The following CCDC117 variants were observed in gnomAD, a reference collection of about 807,000 sequenced individuals.
CCDC117 encodes the protein coiled-coil domain-containing protein 117.
A neutral mutation model predicts 23.5 loss-of-function variants in CCDC117; 1 was observed. That is an observed-to-expected ratio of 0.04 (90% CI 0.02 to 0.20). The LOEUF (loss-of-function observed/expected upper bound fraction) is 0.20, where lower values mean the gene tolerates loss of function less well. Among genes scored for constraint, CCDC117 ranks in the 10% least tolerant of loss-of-function variants. The pLI is 1.00. For missense variants in CCDC117, 383 were observed against 348.2 expected, an observed-to-expected ratio of 1.10 and a Z score of -0.80; for synonymous variants, 132 against 124.8, an observed-to-expected ratio of 1.06 and a Z score of -0.39.
intron 2 of CCDC117, among the ~76,000 whole-genome samples, chr22:28,778,203 C>G (rs2031225489): frequency 6.6e-6 from 1 of 152,102 alleles, no homozygotes; most frequent in Admixed American, 6.6e-5. Context: ...CAAATTTATC[C>G]TTTGTCTTTT....
At chr22:28,774,425 C>G (rs147122841) in intron 2 of CCDC117, among the ~76,000 whole-genome samples, 1 of 146,180 alleles carries the variant, frequency 6.8e-6, no homozygotes, top group Non-Finnish European at 1.5e-5. Flanking sequence ...AGCTGGAGTG[C>G]AGTTGTGTGA....
At chr22:28,785,844 C>T (rs1334540829) in intron 4 of CCDC117, among the ~76,000 whole-genome samples, 1 of 151,310 alleles carries the variant, frequency 6.6e-6, no homozygotes, top group Non-Finnish European at 1.5e-5. Context: ...GATTGCTTGA[C>T]CCCAGGAGTT....
intron 3 of CCDC117, among the ~76,000 whole-genome samples, chr22:28,783,058 T>A (rs2031399209): frequency 6.6e-6 from 1 of 152,210 alleles, no homozygotes; most frequent in African/African-American, 2.4e-5. Flanking sequence ...TTTTTTTGTT[T>A]TGAGACGGAG....
At chr22:28,773,884 TGGAA>T in intron 2 of CCDC117, 106 bp downstream of exon 2, 13 of 864,568 alleles carry the variant, frequency 1.5e-5, no homozygotes, top group Non-Finnish European at 2.3e-5. Context: ...TGAGTGTCTC[TGGAA>T]AGAGACACAG....
Position 28,773,054 on chromosome 22 carries a change from C to A in CCDC117, c.185+20C>A. ...CGGACGGTGAGGAGCCCGTCGGGCG[C>A]AGGGCGCAGGGCGGGCGGGCGGGCG... is the stretch of plus-strand genomic sequence containing the variant. On this transcript the variant is annotated intron_variant, in intron 1 of 4. Coordinates refer to ENST00000249064, the MANE Select transcript of CCDC117 (RefSeq NM_173510.4). 1 of 1,056,208 alleles carries A rather than the reference C, an allele frequency of 9.5e-7. No homozygotes were observed. The highest frequency in any genetic ancestry group is 5.4e-5 in the Admixed American group (1 of 18,644). The allele number at this position is 1,056,208 out of a possible 1,614,324, so 65.4% of individuals were successfully genotyped here. A position where few individuals can be genotyped will look rare whatever the true frequency, so the allele number is the denominator to read the frequency against.
At chr22:28,782,110 G>A (rs966569138) in intron 3 of CCDC117, among the ~76,000 whole-genome samples, 3 of 151,428 alleles carry the variant, frequency 2.0e-5, no homozygotes, top group Non-Finnish European at 2.9e-5. Flanking sequence ...GCTAATCTTC[G>A]TATCTTTTGT....
intron 2 of CCDC117, among the ~76,000 whole-genome samples, chr22:28,776,504 CCT>C (rs1335918804): frequency 6.6e-6 from 1 of 151,912 alleles, no homozygotes; most frequent in Non-Finnish European, 1.5e-5. Context: ...CTCACTGTCA[CCT>C]CTGTCTCAGG....
Position 28,781,076 on chromosome 22 carries a change from C to G in CCDC117, c.368C>G (p.Pro123Arg). ...CCCAGTGTTAGTGGCCTTTCCATAC[C>G]TGGGATATTAGATGTTATTTGTGAA... ...VNPSVSGLSI[P>R]GILDVICEEM... Residue 123 changes from proline (P) to arginine (R), a missense_variant, in exon 3 of 5, where the codon CCT (proline) becomes CGT (arginine). Physicochemically the swap from Pro to Arg is moderately radical, Grantham distance 103. Transcript: ENST00000249064. 6.2e-7 allele frequency: 1 copy of G among 1,613,818 alleles called. No individual in the cohort carries two copies. Among genetic ancestry groups the G allele is most frequent in the Non-Finnish European group, 8.5e-7 (1 of 1,179,888 alleles).
chr22:28,783,546 A>C lies in CCDC117; in HGVS notation c.503A>C (p.Asn168Thr), dbSNP rs1421736500. 1.9e-6 allele frequency: 3 copies of C among 1,613,760 alleles called. No homozygotes were observed. The highest frequency in any genetic ancestry group is 2.5e-6 in the Non-Finnish European group (3 of 1,179,896). Residue 168 changes from asparagine (N) to threonine (T), a missense_variant, in exon 4 of 5, where the codon AAT (asparagine) becomes ACT (threonine). By Grantham distance (65) the Asn-to-Thr change is moderately conservative. Transcript: ENST00000249064. ...DEDEEVEADR[N>T]VNHLPSLVLS... ...GATGAAGAAGTTGAAGCTGACAGAA[A>C]TGTTAACCATCTCCCCAGTCTTGTC...
Position 28,772,740 on chromosome 22 carries a change from A to G in CCDC117, c.-110A>G, listed in dbSNP as rs925657916. On this transcript the variant is annotated 5_prime_UTR_variant, in exon 1 of 5. Coordinates refer to ENST00000249064, the MANE Select transcript of CCDC117 (RefSeq NM_173510.4). The stretch of plus-strand genomic sequence containing the variant: ...TTCTAGAAGGCGTGACGTGGGGTCG[A>G]GAGCGGGATCCGAGGCTGGCGGGTT... 1 of 873,304 alleles carries G rather than the reference A, an allele frequency of 1.1e-6. No homozygotes were observed. The highest frequency in any genetic ancestry group is 1.5e-6 in the Non-Finnish European group (1 of 669,716). The allele number at this position is 873,304 out of a possible 1,614,324, so 54.1% of individuals were successfully genotyped here.
chr22:28,785,230 C>A (rs551881794), intron 4 of CCDC117, among the ~76,000 whole-genome samples: 2 of 151,846 alleles, frequency 1.3e-5, no homozygotes, highest in South Asian at 4.2e-4. Context: ...ACTCTGTCAC[C>A]CAGGCTGGAG....
intron 2 of CCDC117, among the ~76,000 whole-genome samples, chr22:28,778,371 G>A (rs2031229211): frequency 6.6e-6 from 1 of 151,970 alleles, no homozygotes; most frequent in South Asian, 2.1e-4. Context: ...ACTTTGGGAG[G>A]CCGAGGCAGG....
chr22:28,773,903 T>G (rs934179935), intron 2 of CCDC117, 125 bp downstream of exon 2: 28 of 758,926 alleles, frequency 3.7e-5, no homozygotes, highest in Non-Finnish European at 6.2e-5. Flanking sequence ...ACACAGAAAT[T>G]AGTGACATTG....
chr22:28,775,131 C>T (rs774090149), intron 2 of CCDC117, among the ~76,000 whole-genome samples: 5 of 152,020 alleles, frequency 3.3e-5, no homozygotes, highest in Admixed American at 1.3e-4. Flanking sequence ...GGTAGTGGTG[C>T]GTAACTGTAA....
At chr22:28,777,216 G>A (rs1036058968) in intron 2 of CCDC117, among the ~76,000 whole-genome samples, 2 of 151,252 alleles carry the variant, frequency 1.3e-5, no homozygotes, top group Non-Finnish European at 2.9e-5. Context: ...TGGTACAGAC[G>A]GGGTTTCACC....
chr22:28,786,031 C>A, intron 4 of CCDC117, 58 bp from the exon 5 acceptor site: 2 of 1,281,052 alleles, frequency 1.6e-6, no homozygotes, highest in South Asian at 1.4e-5. Context: ...TTTCAACCTA[C>A]AGCTTTTGTT....
intron 2 of CCDC117, among the ~76,000 whole-genome samples, chr22:28,777,805 C>G (rs2031212867): frequency 1.3e-5 from 2 of 151,590 alleles, no homozygotes; most frequent in Non-Finnish European, 2.9e-5. Flanking sequence ...CTGCTCCTGG[C>G]TGTTTATGCA....
rs2031576976 is a variant in CCDC117, at chr22:28,788,315, T to C, written c.*1989T>C. 2.0e-5 allele frequency: 3 copies of C among 152,596 alleles called. No homozygotes were observed. The highest frequency in any genetic ancestry group is 4.4e-5 in the Non-Finnish European group (3 of 68,026). 9.5% of individuals were successfully genotyped at this position (152,596 alleles called of 1,614,324 possible). A position where few individuals can be genotyped will look rare whatever the true frequency, so the allele number is the denominator to read the frequency against. On this transcript the variant is annotated 3_prime_UTR_variant, in exon 5 of 5. Transcript: ENST00000249064. ...TTAAATAAATCTCCATGCTGAAAAA[T>C]GTGTTCTAATGCAACACAAAAACAT...
chr22:28,783,237 C>T (rs1253966152), intron 3 of CCDC117, among the ~76,000 whole-genome samples: 1 of 151,666 alleles, frequency 6.6e-6, no homozygotes, highest in African/African-American at 2.4e-5. Context: ...GATAGGGTTT[C>T]ACCATGTTGG....
Sources: gnomAD v4.1 joint callset for allele counts (sites outside exome capture counted in the v4.1 genomes callset) on GRCh38, gnomAD v4.1.1 for gene constraint, MANE v1.5 for transcripts, NCBI Gene and HGNC (gene_info 2026-07-23, HGNC 2026-07-21) for gene names.